PTX3: variants seen among roughly 807,000 people sequenced by gnomAD.
The protein encoded by PTX3 is pentraxin-related protein PTX3.
PTX3 carries 24 observed loss-of-function variants against 23.5 expected under a neutral mutation model. The observed-to-expected ratio is 1.02, with a 90% CI of 0.74 to 1.43. The LOEUF (loss-of-function observed/expected upper bound fraction) is 1.43, where lower values mean the gene tolerates loss of function less well. PTX3 is among the 40% of genes most tolerant of loss of function. PTX3 has a pLI of 0.00. For missense variants in PTX3, 510 were observed against 497.5 expected (o/e 1.02, Z -0.24); for synonymous variants, 218 against 205.4 (o/e 1.06, Z -0.53).
At position 157,442,817 on chromosome 3, in the gene PTX3, C is replaced by T; in HGVS notation, c.984C>T (p.Ala328=). Residue 328 remains alanine (A), a synonymous_variant, in exon 3 of 3, where the codon GCC becomes GCT. Coordinates refer to ENST00000295927, the MANE Select transcript of PTX3 (RefSeq NM_002852.4). ...GTGGTGGCTTTGATGAAACATTAGC[C>T]TTCTCTGGGAGACTCACAGGCTTCA... ...CVGGGFDETL[A]FSGRLTGFNI... 2 of 1,614,196 alleles carry T rather than the reference C, an allele frequency of 1.2e-6. No homozygotes were observed. Among genetic ancestry groups the T allele is most frequent in the Non-Finnish European group, 1.7e-6 (2 of 1,180,034 alleles).
chr3:157,437,422 A>G, intron 1 of PTX3, 91 bp from the exon 2 acceptor site: 6 of 1,480,926 alleles, frequency 4.1e-6, no homozygotes, highest in Non-Finnish European at 5.5e-6. Flanking sequence ...ACGGGCTGCA[A>G]CTTGGCACCA....
intron 2 of PTX3, 123 bp downstream of exon 2, chr3:157,438,037 G>GCACACACA (rs781700719): frequency 0.016 from 7,973 of 514,354 alleles, 48 homozygotes; most frequent in African/African-American, 0.014. Context: ...GCGCGCGCGC[G>GCACACACA]CACACACACA....
Position 157,437,564 on chromosome 3 carries a change from T to G in PTX3, c.182T>G (p.Ile61Ser). 1 of 1,602,664 alleles carries G rather than the reference T, an allele frequency of 6.2e-7. No individual in the cohort carries two copies. The highest frequency in any genetic ancestry group is 8.5e-7 in the Non-Finnish European group (1 of 1,175,996). The part of the protein sequence containing the change: ...QEHSEWDKLF[I>S]MLENSQMRER... ...CACTCGGAATGGGACAAGCTCTTCA[T>G]CATGCTGGAGAACTCGCAGATGAGA... is the stretch of plus-strand genomic sequence containing the variant. Residue 61 changes from isoleucine to serine, a missense_variant, in exon 2 of 3, where the codon ATC (isoleucine) becomes AGC (serine). By Grantham distance (142) the Ile-to-Ser change is moderately radical. Coordinates refer to ENST00000295927, the MANE Select transcript of PTX3 (RefSeq NM_002852.4).
chr3:157,436,866 G>T lies in PTX3; in HGVS notation c.-68G>T, dbSNP rs181499481. The T allele has an allele frequency of 7.7e-5, 119 of 1,553,740 alleles. No individual in the cohort carries two copies. The African/African-American group carries it at 1.5e-3, about 20-fold the overall frequency. ...CAGCCTCTCACTCTCACTCTCCTCC[G>T]CTCAAACTCAGCTCACTTGAGAGTC... On this transcript the variant is annotated 5_prime_UTR_variant, in exon 1 of 3. Coordinates refer to ENST00000295927, the MANE Select transcript of PTX3 (RefSeq NM_002852.4).
rs143287219 is a variant in PTX3, at chr3:157,442,752, A to G, written c.919A>G (p.Ile307Val). The G allele has an allele frequency of 4.4e-4, 718 of 1,614,096 alleles. 1 individual carries two copies. Among genetic ancestry groups the G allele is most frequent in the Non-Finnish European group, 5.9e-4 (694 of 1,180,036 alleles). The change falls in exon 3 of 3, where the codon ATC becomes GTC. Residue 307 changes from isoleucine to valine, a missense_variant. Coordinates refer to ENST00000295927, the MANE Select transcript of PTX3 (RefSeq NM_002852.4). ...AGGTCACATTGTTCCTGAGGGAGGAATCCTGCAGATTGGCCAAGAAAAGAA... is the reference window on the plus strand; with the variant it reads ...AGGTCACATTGTTCCTGAGGGAGGAGTCCTGCAGATTGGCCAAGAAAAGAA... ...ATGHIVPEGG[I>V]LQIGQEKNGC...
intron 1 of PTX3, among the ~76,000 whole-genome samples, chr3:157,437,292 T>A (rs1488080205): frequency 6.6e-6 from 1 of 152,226 alleles, no homozygotes; most frequent in African/African-American, 2.4e-5. Context: ...TTGAGCTACA[T>A]AACCGGCGAT....
chr3:157,440,424 C>T (rs192896001), intron 2 of PTX3, among the ~76,000 whole-genome samples: 1 of 152,232 alleles, frequency 6.6e-6, no homozygotes, highest in African/African-American at 2.4e-5. Context: ...GTTTACCACA[C>T]TTTTACATGG....
intron 2 of PTX3, among the ~76,000 whole-genome samples, chr3:157,441,880 A>G (rs1287578799): frequency 6.6e-6 from 1 of 152,148 alleles, no homozygotes; most frequent in Non-Finnish European, 1.5e-5. Flanking sequence ...GCATGTTGGT[A>G]AAGGCTAAAT....
At chr3:157,438,047 A>G (rs936207301) in intron 2 of PTX3, 133 bp downstream of exon 2, 18 of 705,436 alleles carry the variant, frequency 2.6e-5, no homozygotes, top group Admixed American at 1.4e-4. Context: ...GCACACACAC[A>G]CACACACACA....
At chr3:157,437,343 T>A (rs1733680030) in intron 1 of PTX3, among the ~76,000 whole-genome samples, 170 bp from the exon 2 acceptor site, 1 of 152,170 alleles carries the variant, frequency 6.6e-6, no homozygotes, top group Non-Finnish European at 1.5e-5. Context: ...ATGAATGATT[T>A]CTGTCGTTTC....
Position 157,437,502 on chromosome 3 carries a change from C to G in PTX3, c.131-11C>G. On this transcript the variant is annotated splice_polypyrimidine_tract_variant and intron_variant, in intron 1 of 2. Transcript: ENST00000295927. ...GGCGGGCTGCTAACGTGTGTGTATC[C>G]CGTACTCTAGCCACGCCGTGCGCCT... 1 of 1,599,326 alleles carries G rather than the reference C, an allele frequency of 6.3e-7. No homozygotes were observed. Among genetic ancestry groups the G allele is most frequent in the East Asian group, 2.3e-5 (1 of 43,932 alleles).
Position 157,441,083 on chromosome 3 carries a change from G to A in PTX3, c.533-1283G>A, listed in dbSNP as rs983976230. 2.6e-5 allele frequency among the ~76,000 whole-genome samples: 4 copies of A among 152,198 alleles called. No homozygotes were observed. In the South Asian group the frequency reaches 8.3e-4, roughly 31 times the overall value. On this transcript the variant is annotated intron_variant, in intron 2 of 2. Transcript: ENST00000295927. ...AGGGCCTTTTTTAGATAACGCTAAA[G>A]CCTAGAGGAAATTATGGTGCTCATC... is the stretch of plus-strand genomic sequence containing the variant.
At chr3:157,440,685 T>A (rs1217807161) in intron 2 of PTX3, among the ~76,000 whole-genome samples, 1 of 151,844 alleles carries the variant, frequency 6.6e-6, no homozygotes. Flanking sequence ...TATACATACA[T>A]ATATATATAT....
At chr3:157,441,090 G>A (rs760011198) in intron 2 of PTX3, among the ~76,000 whole-genome samples, 12 of 152,188 alleles carry the variant, frequency 7.9e-5, no homozygotes, top group Non-Finnish European at 7.3e-5. Flanking sequence ...AAAGCCTAGA[G>A]GAAATTATGG....
At chr3:157,440,082 T>C (rs1308600356) in intron 2 of PTX3, among the ~76,000 whole-genome samples, 2 of 152,196 alleles carry the variant, frequency 1.3e-5, no homozygotes, top group African/African-American at 4.8e-5. Flanking sequence ...CAAATGCCCA[T>C]GGATATGGTG....
chr3:157,438,025 GCGCGCGCGCGCGCA>G (rs1733785820), intron 2 of PTX3, 111 bp downstream of exon 2: 1 of 801,756 alleles, frequency 1.2e-6, no homozygotes, highest in African/African-American at 2.6e-5. Context: ...TGGGAAGCGC[GCGCGCGCGCGCGCA>G]CACACACACA....
At chr3:157,441,132 G>A (rs1560064550) in intron 2 of PTX3, among the ~76,000 whole-genome samples, 1 of 152,194 alleles carries the variant, frequency 6.6e-6, no homozygotes, top group Non-Finnish European at 1.5e-5. Context: ...CTCATTAGTA[G>A]TAACACCATC....
Position 157,443,164 on chromosome 3 carries a change from A to G in PTX3, c.*185A>G, listed in dbSNP as rs1734273788. 1.5e-6 allele frequency: 1 copy of G among 674,692 alleles called. No individual in the cohort carries two copies. The highest frequency in any genetic ancestry group is 2.3e-6 in the Non-Finnish European group (1 of 427,992). The allele number at this position is 674,692 out of a possible 1,614,324, so 41.8% of individuals were successfully genotyped here. A position where few individuals can be genotyped will look rare whatever the true frequency, so the allele number is the denominator to read the frequency against. ...AACAGTTGAAGGAAAGACATTGGAA[A>G]AAGCTTTTGAGGATAATGTTACTAG... On this transcript the variant is annotated 3_prime_UTR_variant, in exon 3 of 3. Coordinates refer to ENST00000295927, the MANE Select transcript of PTX3 (RefSeq NM_002852.4).
Position 157,442,734 on chromosome 3 carries a change from A to G in PTX3, c.901A>G (p.Ile301Val). The G allele has an allele frequency of 1.2e-6, 2 of 1,614,220 alleles. No homozygotes were observed. The highest frequency in any genetic ancestry group is 1.7e-6 in the Non-Finnish European group (2 of 1,180,036). ...ATTVEMATGHIVPEGGILQIG... is the reference protein window; with the variant it reads ...ATTVEMATGHVVPEGGILQIG... ...CACTGTTGAGATGGCCACAGGTCAC[A>G]TTGTTCCTGAGGGAGGAATCCTGCA... The change falls in exon 3 of 3, where the codon ATT (isoleucine) becomes GTT (valine). Residue 301 changes from isoleucine to valine, a missense_variant. Coordinates refer to ENST00000295927, the MANE Select transcript of PTX3 (RefSeq NM_002852.4).
Sources: gnomAD v4.1 joint callset for allele counts (sites outside exome capture counted in the v4.1 genomes callset) on GRCh38, gnomAD v4.1.1 for gene constraint, MANE v1.5 for transcripts, NCBI Gene and HGNC (gene_info 2026-07-23, HGNC 2026-07-21) for gene names.